Variants in ARHGAP44 observed in about 807,000 individuals in gnomAD.
ARHGAP44 encodes rho GTPase-activating protein 44.
In ARHGAP44, 43 loss-of-function variants were observed where a neutral mutation model predicts 106.8. The ratio of observed to expected loss-of-function variants is 0.40; its 90% confidence interval spans 0.32 to 0.52. The LOEUF (loss-of-function observed/expected upper bound fraction) is 0.52, where lower values mean the gene tolerates loss of function less well. ARHGAP44 is among the 20% of genes least tolerant of loss of function. ARHGAP44 has a pLI of 0.48. For missense variants in ARHGAP44, 866 were observed against 1,050.5 expected (o/e 0.82, Z 2.43); for synonymous variants, 439 against 410.3 (o/e 1.07, Z -0.85).
At chr17:12,895,883 A>G (rs2150920394) in intron 2 of ARHGAP44, among the ~76,000 whole-genome samples, 1 of 152,304 alleles carries the variant, frequency 6.6e-6, no homozygotes, top group South Asian at 2.1e-4. Context: ...CTGGATTAAG[A>G]AAATGTGGCA....
At position 12,915,906 on chromosome 17, in the gene ARHGAP44, G is replaced by T; in HGVS notation, c.282G>T (p.Met94Ile). The T allele has an allele frequency of 6.2e-7, 1 of 1,613,690 alleles. No homozygotes were observed. The change falls in exon 5 of 21, where the codon ATG becomes ATT. Residue 94 changes from methionine to isoleucine, a missense_variant. Transcript: ENST00000379672. ...ILGDDTLLGKMLKLCGETEDK... is the reference protein window; with the variant it reads ...ILGDDTLLGKILKLCGETEDK... ...TTTCCCCCTTGGATTACAGGAAGAT[G>T]CTGAAACTCTGTGGAGAGACGGAGG...
At chr17:12,850,499 G>A (rs1210388609) in intron 1 of ARHGAP44, among the ~76,000 whole-genome samples, 2 of 152,164 alleles carry the variant, frequency 1.3e-5, no homozygotes, top group Admixed American at 6.5e-5. Context: ...CCATGGGCAG[G>A]GGTCATGGGG....
intron 1 of ARHGAP44, among the ~76,000 whole-genome samples, chr17:12,831,498 G>T (rs1191421052): frequency 6.6e-6 from 1 of 152,206 alleles, no homozygotes; most frequent in Non-Finnish European, 1.5e-5. Context: ...AGGGGAATGA[G>T]CAGAGGCTCC....
intron 3 of ARHGAP44, among the ~76,000 whole-genome samples, chr17:12,908,099 G>A (rs2037612634): frequency 6.6e-6 from 1 of 151,634 alleles, no homozygotes; most frequent in African/African-American, 2.4e-5. Context: ...ATCTTTTTTG[G>A]AGTGTGTCTT....
intron 18 of ARHGAP44, among the ~76,000 whole-genome samples, chr17:12,978,036 C>CAAAAAAAAAAAAAAAAAAAAAAAAAAA (rs1157325814): frequency 4.5e-5 from 4 of 89,298 alleles, no homozygotes; most frequent in African/African-American, 9.5e-5. Context: ...GACTCCATCT[C>CAAAAAAAAAAAAAAAAAAAAAAAAAAA]AAAAAAAAAA....
At chr17:12,977,282 G>C (rs1390649251) in intron 18 of ARHGAP44, among the ~76,000 whole-genome samples, 1 of 152,148 alleles carries the variant, frequency 6.6e-6, no homozygotes, top group Non-Finnish European at 1.5e-5. Flanking sequence ...ACAAACAGGT[G>C]TTCCATTGTT....
chr17:12,864,362 C>T (rs554128483), intron 1 of ARHGAP44, among the ~76,000 whole-genome samples: 1 of 152,194 alleles, frequency 6.6e-6, no homozygotes, highest in South Asian at 2.1e-4. Context: ...TTAGGGTAGC[C>T]ACTGTTGGTT....
At chr17:12,942,612 A>G (rs886967632) in intron 8 of ARHGAP44, among the ~76,000 whole-genome samples, 3 of 152,194 alleles carry the variant, frequency 2.0e-5, no homozygotes, top group Non-Finnish European at 4.4e-5. Flanking sequence ...GATACCATTT[A>G]TTTCAATATT....
chr17:12,894,239 A>AGT (rs1392692446), intron 1 of ARHGAP44, among the ~76,000 whole-genome samples: 32 of 146,480 alleles, frequency 2.2e-4, no homozygotes, highest in African/African-American at 8.1e-4. Context: ...AGAGAGAGAG[A>AGT]GAGTGTGTGT....
rs181772752 is a variant in ARHGAP44 at position 12,852,454 on chromosome 17, T to C, written c.54-42486T>C. Among the ~76,000 whole-genome samples, 172 of 151,210 alleles carry C rather than the reference T, an allele frequency of 1.1e-3. 1 individual carries two copies. Among genetic ancestry groups the C allele is most frequent in the Non-Finnish European group, 3.5e-4 (24 of 67,854 alleles). ...GTTTTTTTGAAGAACCTCTATTAGT[T>C]TTCATTAAATCCCTCTATTGCTTAT... On this transcript the variant is annotated intron_variant, in intron 1 of 20. Transcript: ENST00000379672.
intron 3 of ARHGAP44, among the ~76,000 whole-genome samples, chr17:12,900,526 A>G (rs2037343996): frequency 6.6e-6 from 1 of 152,172 alleles, no homozygotes; most frequent in East Asian, 1.9e-4. Flanking sequence ...AAGTCCTTGC[A>G]TTTCTCATTA....
At chr17:12,795,805 G>C (rs572751757) in intron 1 of ARHGAP44, among the ~76,000 whole-genome samples, 1 of 152,152 alleles carries the variant, frequency 6.6e-6, no homozygotes, top group Admixed American at 6.5e-5. Flanking sequence ...TCGGGCGTGG[G>C]GCATCCAATT....
chr17:12,939,468 AT>A (rs774637147), intron 7 of ARHGAP44, among the ~76,000 whole-genome samples: 5 of 149,618 alleles, frequency 3.3e-5, no homozygotes, highest in Admixed American at 6.7e-5. Context: ...TTTATTTTTT[AT>A]TTTTTTTTTA....
At chr17:12,838,776 A>G (rs1378975614) in intron 1 of ARHGAP44, among the ~76,000 whole-genome samples, 2 of 152,090 alleles carry the variant, frequency 1.3e-5, no homozygotes, top group Non-Finnish European at 2.9e-5. Context: ...GGTTCAAGCG[A>G]TTCTCCTGCC....
Position 12,949,130 on chromosome 17 carries a change from C to G in ARHGAP44, c.862-10C>G. 6.4e-7 allele frequency: 1 copy of G among 1,560,334 alleles called. No individual in the cohort carries two copies. Among genetic ancestry groups the G allele is most frequent in the South Asian group, 1.2e-5 (1 of 84,470 alleles). On this transcript the variant is annotated splice_polypyrimidine_tract_variant and intron_variant, in intron 10 of 20. Transcript: ENST00000379672. This position sits in a 1 kb window ranked among gnomAD's most constrained non-coding sequence, Gnocchi z 4.1. ...AGTTGCTGTGCGCTGACCCTCTGTC[C>G]TGTTGGTAGGGACTCTTCCGAGTAG...
chr17:12,935,194 A>G (rs2038510224), intron 7 of ARHGAP44, among the ~76,000 whole-genome samples: 4 of 152,210 alleles, frequency 2.6e-5, no homozygotes, highest in Non-Finnish European at 5.9e-5. Flanking sequence ...ATAATAAAAT[A>G]CTCAAAAAGA....
intron 1 of ARHGAP44, among the ~76,000 whole-genome samples, chr17:12,834,066 T>G (rs1313681593): frequency 6.6e-6 from 1 of 152,102 alleles, no homozygotes; most frequent in Non-Finnish European, 1.5e-5. Flanking sequence ...TGATTTAGTT[T>G]TCCAGGTTAA....
intron 1 of ARHGAP44, among the ~76,000 whole-genome samples, chr17:12,804,070 C>T (rs1254473999): frequency 6.6e-6 from 1 of 152,184 alleles, no homozygotes; most frequent in African/African-American, 2.4e-5. Flanking sequence ...GATTAAGTCA[C>T]TTGCTGTCTT....
At chr17:12,877,699 G>A (rs1033783366) in intron 1 of ARHGAP44, among the ~76,000 whole-genome samples, 3 of 151,678 alleles carry the variant, frequency 2.0e-5, no homozygotes, top group African/African-American at 7.3e-5. Flanking sequence ...GCCGTGAGCC[G>A]AGATCGCGCC....
Sources: gnomAD v4.1 joint callset for allele counts (sites outside exome capture counted in the v4.1 genomes callset) on GRCh38, gnomAD v4.1.1 for gene constraint, Gnocchi (gnomAD v3.1) non-coding constraint, MANE v1.5 for transcripts, NCBI Gene and HGNC (gene_info 2026-07-23, HGNC 2026-07-21) for gene names.